TMEM232: variants seen among roughly 807,000 people sequenced by gnomAD.
TMEM232 encodes transmembrane protein 232.
In TMEM232, 80 loss-of-function variants were observed where a neutral mutation model predicts 78.8. The observed-to-expected ratio is 1.01, with a 90% CI of 0.85 to 1.22. TMEM232 has a LOEUF of 1.22. Among genes scored for constraint, TMEM232 ranks in the 50% most tolerant of loss-of-function variants. The probability of loss-of-function intolerance (pLI) is 0.00; values close to 1 mark genes in which losing one functional copy is unlikely to be tolerated. For synonymous variants in TMEM232, 297 were observed against 254.3 expected (o/e 1.17, Z -1.60); for missense variants, 881 against 742.2 (o/e 1.19, Z -2.17).
intron 8 of TMEM232, among the ~76,000 whole-genome samples, chr5:110,608,609 T>A (rs2149840975): frequency 6.6e-6 from 1 of 152,164 alleles, no homozygotes; most frequent in South Asian, 2.1e-4. Context: ...TTGAAAAAGA[T>A]CCATCAGTGT....
At chr5:110,603,822 T>C (rs1201390800) in intron 10 of TMEM232, among the ~76,000 whole-genome samples, 1 of 152,178 alleles carries the variant, frequency 6.6e-6, no homozygotes, top group Non-Finnish European at 1.5e-5. Context: ...ATCTATTGAT[T>C]AAGCCAAAAA....
At chr5:110,688,521 C>A (rs1479770109) in intron 1 of TMEM232, among the ~76,000 whole-genome samples, 2 of 152,062 alleles carry the variant, frequency 1.3e-5, no homozygotes, top group African/African-American at 4.8e-5. Flanking sequence ...AATGGCTGGG[C>A]CTTGTGCCTT....
At chr5:110,676,224 T>C (rs985413725) in intron 1 of TMEM232, among the ~76,000 whole-genome samples, 1 of 152,218 alleles carries the variant, frequency 6.6e-6, no homozygotes. Context: ...AATGCTGCAA[T>C]GAACATGGGA....
At chr5:110,448,051 C>A (rs935014495) in intron 12 of TMEM232, among the ~76,000 whole-genome samples, 6 of 151,706 alleles carry the variant, frequency 4.0e-5, no homozygotes, top group Non-Finnish European at 8.8e-5. Flanking sequence ...TATACCAGTT[C>A]AAAAAACTGA....
chr5:110,516,771 T>G (rs2149487844), intron 12 of TMEM232, among the ~76,000 whole-genome samples: 1 of 152,248 alleles, frequency 6.6e-6, no homozygotes, highest in South Asian at 2.1e-4. Context: ...GCAAAACATG[T>G]GTTCATAGAC....
chr5:110,683,240 A>G (rs1375423116), intron 1 of TMEM232, among the ~76,000 whole-genome samples: 5 of 152,188 alleles, frequency 3.3e-5, no homozygotes, highest in African/African-American at 1.2e-4. Context: ...ATTGATAACT[A>G]TAAAATACAG....
intron 1 of TMEM232, among the ~76,000 whole-genome samples, chr5:110,690,661 A>T (rs1461911870): frequency 6.6e-6 from 1 of 152,222 alleles, no homozygotes; most frequent in East Asian, 1.9e-4. Context: ...CCTACTATAA[A>T]CACACATGCA....
chr5:110,497,634 C>T (rs1765776746), intron 12 of TMEM232, among the ~76,000 whole-genome samples: 1 of 152,140 alleles, frequency 6.6e-6, no homozygotes, highest in African/African-American at 2.4e-5. Flanking sequence ...ACCTAAATGG[C>T]AAAAGCTAGT....
At chr5:110,672,197 T>C (rs1791447571) in intron 1 of TMEM232, among the ~76,000 whole-genome samples, 1 of 152,210 alleles carries the variant, frequency 6.6e-6, no homozygotes, top group Admixed American at 6.6e-5. Context: ...AGTTAGAGAC[T>C]ATTTTAAACA....
intron 10 of TMEM232, 112 bp downstream of exon 10, chr5:110,604,997 T>G: frequency 8.0e-7 from 1 of 1,255,302 alleles, no homozygotes; most frequent in Non-Finnish European, 1.1e-6. Context: ...TTTGTAAAAT[T>G]TAAAATTAGT....
chr5:110,686,000 T>C (rs1161197784), intron 1 of TMEM232, among the ~76,000 whole-genome samples: 3 of 151,950 alleles, frequency 2.0e-5, no homozygotes, highest in Non-Finnish European at 4.4e-5. Context: ...GAAGGTGGCA[T>C]GATGGAAATA....
chr5:110,424,898 T>A lies in TMEM232; in HGVS notation c.1722A>T (p.Ser574=). The A allele has an allele frequency of 6.5e-7, 1 of 1,550,298 alleles. No individual in the cohort carries two copies. The highest frequency in any genetic ancestry group is 8.7e-7 in the Non-Finnish European group (1 of 1,146,104). ...HFTVREHPSV[S]EIPMFPYPDF... Reference sequence around the variant, plus strand: ...CTGGATATGGAAACATGGGAATTTCTGATACAGAAGGATGTTCCCTTCAAA... The same window carrying A: ...CTGGATATGGAAACATGGGAATTTCAGATACAGAAGGATGTTCCCTTCAAA... The change falls in exon 13 of 14, where the codon TCA becomes TCT. Residue 574 remains serine (S), a synonymous_variant. Transcript: ENST00000455884.
chr5:110,446,515 T>C (rs977612790), intron 12 of TMEM232, among the ~76,000 whole-genome samples: 3 of 152,052 alleles, frequency 2.0e-5, no homozygotes, highest in African/African-American at 7.2e-5. Flanking sequence ...GATTTGGGGT[T>C]GGGGAAACAG....
intron 12 of TMEM232, among the ~76,000 whole-genome samples, chr5:110,518,190 G>T (rs749461599): frequency 4.0e-5 from 6 of 149,906 alleles, no homozygotes; most frequent in Non-Finnish European, 7.4e-5. Context: ...AGGCACTATT[G>T]ATCTCCATCT....
chr5:110,458,831 G>C (rs948780433), intron 12 of TMEM232, among the ~76,000 whole-genome samples: 3 of 152,152 alleles, frequency 2.0e-5, no homozygotes, highest in Non-Finnish European at 1.5e-5. Context: ...TATTGTTTTT[G>C]CTTGGTTGGA....
chr5:110,520,050 T>TATAG (rs374219408), intron 12 of TMEM232, among the ~76,000 whole-genome samples: 76 of 147,256 alleles, frequency 5.2e-4, no homozygotes, highest in Middle Eastern at 3.5e-3. Flanking sequence ...TATATATATA[T>TATAG]AGAGAGAGAG....
At chr5:110,738,304 T>A, upstream of TMEM232, 1 of 1,239,376 alleles carries the variant, frequency 8.1e-7, no homozygotes, top group Non-Finnish European at 1.0e-6. Context: ...GGTCCCAATT[T>A]TGAACGATAT....
intron 1 of TMEM232, among the ~76,000 whole-genome samples, chr5:110,703,087 T>C (rs1246200939): frequency 6.6e-6 from 1 of 152,074 alleles, no homozygotes; most frequent in East Asian, 1.9e-4. Context: ...GGAAATCATT[T>C]TGCTGATGAA....
At chr5:110,623,303 A>T (rs1319328705) in intron 7 of TMEM232, among the ~76,000 whole-genome samples, 1 of 152,174 alleles carries the variant, frequency 6.6e-6, no homozygotes, top group East Asian at 1.9e-4. Flanking sequence ...TAGCACTTTG[A>T]CAACAAATTA....
Sources: allele counts gnomAD v4.1 joint callset (sites outside exome capture counted in the v4.1 genomes callset), GRCh38; gene constraint gnomAD v4.1.1; transcripts MANE v1.5; gene names NCBI Gene and HGNC (gene_info 2026-07-23, HGNC 2026-07-21).